Variants in GLIS3 observed in about 807,000 individuals in gnomAD.
GLIS3 encodes zinc finger protein GLIS3.
In GLIS3, 53 loss-of-function variants were observed where a neutral mutation model predicts 78.6. The ratio of observed to expected loss-of-function variants is 0.67; its 90% CI spans 0.54 to 0.85. The LOEUF is 0.85. Ranked by LOEUF, GLIS3 falls within the 40% of genes least tolerant of loss-of-function variation. The pLI, the probability that GLIS3 is intolerant of heterozygous loss-of-function variation, is 0.00. For missense variants in GLIS3, 1,703 were observed against 1,231.1 expected (o/e 1.38, Z -5.74); for synonymous variants, 684 against 509.9 (o/e 1.34, Z -4.60).
chr9:4,266,121 T>C (rs901547259), intron 2 of GLIS3, among the ~76,000 whole-genome samples: 1 of 151,888 alleles, frequency 6.6e-6, no homozygotes, highest in Non-Finnish European at 1.5e-5. Flanking sequence ...GGTTTCACCA[T>C]GTTATCCAGG....
chr9:4,218,939 T>C (rs1053387606), intron 2 of GLIS3, among the ~76,000 whole-genome samples: 2 of 152,234 alleles, frequency 1.3e-5, no homozygotes, highest in African/African-American at 4.8e-5. Flanking sequence ...TTCTCTTCCT[T>C]TATTCTTTCT....
At position 4,091,516 on chromosome 9, in the gene GLIS3, C is replaced by T. The variant is rs569907341; in HGVS notation, c.1710+26252G>A. On this transcript the variant is annotated intron_variant, in intron 4 of 10. Coordinates refer to ENST00000381971, the MANE Select transcript of GLIS3 (RefSeq NM_001042413.2). The stretch of plus-strand genomic sequence containing the variant: ...AAGTCAGGCACTTCATTAGACTACA[C>T]GCACACGTGCACACAAACACACACA... 5.4e-4 allele frequency among the ~76,000 whole-genome samples: 76 copies of T among 139,792 alleles called. 2 individuals are homozygous for T. The South Asian group carries it at 0.016, about 29-fold the overall frequency. The allele number at this position is 139,792 out of a possible 152,430, so 91.7% of individuals were successfully genotyped here. A position where few individuals can be genotyped will look rare whatever the true frequency, so the allele number is the denominator to read the frequency against.
chr9:4,282,137 G>A (rs892633397), intron 2 of GLIS3, among the ~76,000 whole-genome samples: 2 of 152,094 alleles, frequency 1.3e-5, no homozygotes, highest in South Asian at 2.1e-4. Flanking sequence ...ACCTTTCTCC[G>A]TACACAGCTC....
At chr9:4,399,417 TAG>T in the GLIS3 span, among the ~76,000 whole-genome samples, 3 of 152,200 alleles carry the variant, frequency 2.0e-5, no homozygotes, top group African/African-American at 7.2e-5. Flanking sequence ...GCACTGAAAG[TAG>T]ATAGTTTCAT....
chr9:4,391,026 T>C, the GLIS3 span, among the ~76,000 whole-genome samples: 1 of 152,314 alleles, frequency 6.6e-6, no homozygotes, highest in Non-Finnish European at 1.5e-5. Context: ...CATCCTCCTG[T>C]CTTCTCCTCT....
the GLIS3 span, among the ~76,000 whole-genome samples, chr9:4,424,964 T>C: frequency 2.0e-5 from 3 of 152,054 alleles, no homozygotes; most frequent in African/African-American, 4.8e-5. Flanking sequence ...AGGCTGAAAC[T>C]TGAGGCTTCT....
chr9:3,985,886 G>A (rs1274996982), intron 4 of GLIS3, among the ~76,000 whole-genome samples: 1 of 152,144 alleles, frequency 6.6e-6, no homozygotes, highest in Non-Finnish European at 1.5e-5. Flanking sequence ...GGCATTCCCA[G>A]TTAAAATTAA....
intron 2 of GLIS3, among the ~76,000 whole-genome samples, chr9:4,318,201 GT>G (rs1045661491): frequency 6.6e-6 from 1 of 152,170 alleles, no homozygotes; most frequent in Non-Finnish European, 1.5e-5. Context: ...ATGATGGAAA[GT>G]GGGGAGGTAA....
At chr9:3,952,494 A>G (rs1816766799) in intron 4 of GLIS3, among the ~76,000 whole-genome samples, 1 of 152,174 alleles carries the variant, frequency 6.6e-6, no homozygotes. Context: ...TACAAATTTC[A>G]GTAGCCATCT....
chr9:4,083,380 G>C (rs186613574), intron 4 of GLIS3, among the ~76,000 whole-genome samples: 1 of 152,078 alleles, frequency 6.6e-6, no homozygotes, highest in Non-Finnish European at 1.5e-5. Context: ...CAGCCCTCTA[G>C]GTAGCTGCTA....
chr9:4,260,608 T>A (rs1384746243), intron 2 of GLIS3, among the ~76,000 whole-genome samples: 2 of 149,616 alleles, frequency 1.3e-5, no homozygotes, highest in African/African-American at 4.9e-5. Flanking sequence ...TAGCTGGCCA[T>A]GGTGGTGCAT....
At position 3,984,053 on chromosome 9, in the gene GLIS3, T is replaced by A. The variant is rs114715961; in HGVS notation, c.1711-46864A>T. Reference sequence around the variant, plus strand: ...GAGGCCTAGGAGGAAAAACTGGTTCTGTGGGTTGGGCCCAGGGACTGTGTG... The same window carrying A: ...GAGGCCTAGGAGGAAAAACTGGTTCAGTGGGTTGGGCCCAGGGACTGTGTG... On this transcript the variant is annotated intron_variant, in intron 4 of 10. Coordinates refer to ENST00000381971, the MANE Select transcript of GLIS3 (RefSeq NM_001042413.2). Among the ~76,000 whole-genome samples the A allele has an allele frequency of 7.5e-3, 1,142 of 152,350 alleles. 13 individuals are homozygous for A. The highest frequency in any genetic ancestry group is 0.027 in the African/African-American group (1,114 of 41,586).
the GLIS3 span, among the ~76,000 whole-genome samples, chr9:4,394,359 A>G: frequency 1.5e-4 from 23 of 150,734 alleles, no homozygotes; most frequent in African/African-American, 5.6e-4. Flanking sequence ...TTAATCTTTA[A>G]GCCCCTAGCT....
At chr9:4,256,597 G>A (rs1824964515) in intron 2 of GLIS3, among the ~76,000 whole-genome samples, 1 of 152,118 alleles carries the variant, frequency 6.6e-6, no homozygotes, top group South Asian at 2.1e-4. Context: ...CAGGCCTATT[G>A]ATCCAGTAAT....
intron 2 of GLIS3, among the ~76,000 whole-genome samples, chr9:4,283,086 C>T (rs1176898868): frequency 5.6e-5 from 3 of 53,762 alleles, no homozygotes; most frequent in African/African-American, 7.4e-5. Flanking sequence ...TATGCGTGCA[C>T]ACACAAACAC....
chr9:4,358,649 A>G, the GLIS3 span, among the ~76,000 whole-genome samples: 2 of 152,074 alleles, frequency 1.3e-5, no homozygotes, highest in Non-Finnish European at 2.9e-5. Context: ...CACCACATTC[A>G]CATGGCCTTG....
chr9:4,010,042 C>G (rs1388485915), intron 4 of GLIS3, among the ~76,000 whole-genome samples: 4 of 151,524 alleles, frequency 2.6e-5, no homozygotes, highest in African/African-American at 9.7e-5. Context: ...TGGCGGGGGG[C>G]CAGTATCCCT....
At chr9:4,139,939 C>A (rs1253650519) in intron 2 of GLIS3, among the ~76,000 whole-genome samples, 6 of 152,302 alleles carry the variant, frequency 3.9e-5, no homozygotes, top group African/African-American at 1.4e-4. Context: ...CAGTTGGGGA[C>A]CCCTGGTCTA....
chr9:4,235,991 G>A (rs921633060), intron 2 of GLIS3, among the ~76,000 whole-genome samples: 11 of 151,950 alleles, frequency 7.2e-5, no homozygotes, highest in African/African-American at 1.5e-4. Context: ...TATGGCTCAA[G>A]CTGCTTACTG....
Sources: allele counts gnomAD v4.1 joint callset (sites outside exome capture counted in the v4.1 genomes callset), GRCh38; gene constraint gnomAD v4.1.1; transcripts MANE v1.5; gene names NCBI Gene and HGNC (gene_info 2026-07-23, HGNC 2026-07-21).